Variants in ADGB observed in about 807,000 individuals in gnomAD.
ADGB encodes the protein calpain-7-like protein.
Under a neutral mutation model 210.5 loss-of-function variants are expected in ADGB, and 172 were observed. That is an observed-to-expected ratio of 0.82 (90% CI 0.72 to 0.93). ADGB has a LOEUF of 0.93. Among genes scored for constraint, ADGB ranks in the 40% least tolerant of loss-of-function variants. The pLI is 0.00. For missense variants in ADGB, 2,025 were observed against 1,964.8 expected, an observed-to-expected ratio of 1.03 and a Z score of -0.58; for synonymous variants, 658 against 662.7, an observed-to-expected ratio of 0.99 and a Z score of 0.11.
At chr6:146,803,447 G>A in intron 35 of ADGB, 1 of 1,606,678 alleles carries the variant, frequency 6.2e-7, no homozygotes, top group Non-Finnish European at 8.5e-7. Flanking sequence ...CCAGGGGGCT[G>A]TTTTTTTCTG....
chr6:146,718,346 CAAAAAA>C (rs34547633), intron 16 of ADGB, among the ~76,000 whole-genome samples: 1 of 80,158 alleles, frequency 1.2e-5, no homozygotes, highest in Non-Finnish European at 2.4e-5. Context: ...GATTCCATCT[CAAAAAA>C]AAAAAAAAAA....
intron 18 of ADGB, chr6:146,724,532 G>A (rs1776867045): frequency 2.6e-6 from 1 of 382,158 alleles, no homozygotes; most frequent in South Asian, 1.1e-4. Context: ...ATCCCTTTGG[G>A]AGATTCATAA....
intron 6 of ADGB, among the ~76,000 whole-genome samples, chr6:146,665,556 G>T (rs1775927548): frequency 6.6e-6 from 1 of 152,104 alleles, no homozygotes; most frequent in Non-Finnish European, 1.5e-5. Context: ...AATCAGAGCT[G>T]CTAGAGCAGT....
At position 146,671,644 on chromosome 6, in the gene ADGB, T is replaced by C. The variant is rs528711324; in HGVS notation, c.840-576T>C. On this transcript the variant is annotated intron_variant, in intron 7 of 35. Transcript: ENST00000397944. ...AAACTCAAAATATGAGGAAATACTA[T>C]GTAAAATGGCAAGAACACCAAGAGG... 9.2e-5 allele frequency among the ~76,000 whole-genome samples: 14 copies of C among 152,222 alleles called. No individual in the cohort carries two copies. In the South Asian group the frequency reaches 2.9e-3, roughly 32 times the overall value.
intron 5 of ADGB, among the ~76,000 whole-genome samples, chr6:146,661,076 A>T (rs912510992): frequency 2.0e-5 from 3 of 150,978 alleles, no homozygotes; most frequent in African/African-American, 4.8e-5. Context: ...ATATACATGC[A>T]TAGCTTATCA....
At chr6:146,672,107 A>T in intron 7 of ADGB, 113 bp from the exon 8 acceptor site, 1 of 1,322,540 alleles carries the variant, frequency 7.6e-7, no homozygotes. Context: ...TTGAGTAACA[A>T]TTGAAATTAT....
intron 2 of ADGB, among the ~76,000 whole-genome samples, chr6:146,641,479 A>G (rs9377013): frequency 0.34 from 52,171 of 151,250 alleles, 9,178 homozygotes; most frequent in Admixed American, 0.42. Flanking sequence ...TGGAGGAATC[A>G]CGCGACCTGA....
intron 16 of ADGB, 148 bp downstream of exon 16, chr6:146,717,747 T>C: frequency 2.3e-6 from 1 of 431,286 alleles, no homozygotes; most frequent in South Asian, 4.6e-5. Flanking sequence ...TCACTAATCC[T>C]TATCCAAGCA....
chr6:146,664,568 C>T (rs1775913490), intron 6 of ADGB, among the ~76,000 whole-genome samples: 2 of 151,856 alleles, frequency 1.3e-5, no homozygotes, highest in Non-Finnish European at 2.9e-5. Flanking sequence ...AAGAATTATT[C>T]TATGTTCAGT....
chr6:146,769,111 T>C lies in ADGB; in HGVS notation c.3842T>C (p.Leu1281Ser). The C allele has an allele frequency of 5.3e-6, 8 of 1,521,602 alleles. No homozygotes were observed. The highest frequency in any genetic ancestry group is 7.1e-6 in the Non-Finnish European group (8 of 1,125,532). 94.3% of individuals were successfully genotyped at this position (1,521,602 alleles called of 1,614,324 possible). ...ACATTTGTTCAAGCACTGAAAGACTTAAAGAAAAGTAATACCAAAGGTATG... is the reference window on the plus strand; with the variant it reads ...ACATTTGTTCAAGCACTGAAAGACTCAAAGAAAAGTAATACCAAAGGTATG... ...QLTFVQALKDLKKSNTKAYGE... is the reference protein window; with the variant it reads ...QLTFVQALKDSKKSNTKAYGE... Residue 1281 changes from leucine (L) to serine (S), a missense_variant, in exon 29 of 36, where the codon TTA becomes TCA. Coordinates refer to ENST00000397944, the MANE Select transcript of ADGB (RefSeq NM_024694.4).
chr6:146,698,582 AG>A (rs769009746), intron 12 of ADGB, among the ~76,000 whole-genome samples: 23 of 152,148 alleles, frequency 1.5e-4, no homozygotes, highest in Admixed American at 1.3e-4. Context: ...GTGGGTAGGG[AG>A]GGAGCACTGC....
At chr6:146,756,997 G>T (rs1777416962) in intron 27 of ADGB, among the ~76,000 whole-genome samples, 1 of 151,988 alleles carries the variant, frequency 6.6e-6, no homozygotes, top group African/African-American at 2.4e-5. Flanking sequence ...CAAGGGCTGG[G>T]ATTACAGGTG....
At chr6:146,740,823 T>TA (rs1347860058) in intron 24 of ADGB, among the ~76,000 whole-genome samples, 1 of 152,110 alleles carries the variant, frequency 6.6e-6, no homozygotes, top group Non-Finnish European at 1.5e-5. Context: ...ATGTTCATGA[T>TA]AAAAATACTA....
At chr6:146,602,455 T>G (rs2114821271) in intron 1 of ADGB, among the ~76,000 whole-genome samples, 1 of 152,364 alleles carries the variant, frequency 6.6e-6, no homozygotes, top group East Asian at 1.9e-4. Context: ...ACATAACAAT[T>G]TTTAACGTAA....
Position 146,612,581 on chromosome 6 carries a change from T to G in ADGB, c.74+13467T>G, listed in dbSNP as rs73588046. 5.9e-3 allele frequency among the ~76,000 whole-genome samples: 906 copies of G among 152,312 alleles called. 9 individuals carry two copies. Among genetic ancestry groups the G allele is most frequent in the African/African-American group, 0.02 (828 of 41,566 alleles). On this transcript the variant is annotated intron_variant, in intron 1 of 35. Coordinates refer to ENST00000397944, the MANE Select transcript of ADGB (RefSeq NM_024694.4). ...ATTTTCTTCCCTGCCGTCCTCTAGT[T>G]GAGGCCCTTTTAAACTCTAGGTAGA...
At chr6:146,599,499 A>G (rs1019463167) in intron 1 of ADGB, among the ~76,000 whole-genome samples, 2 of 152,188 alleles carry the variant, frequency 1.3e-5, no homozygotes, top group African/African-American at 4.8e-5. Context: ...ACAGACAGCG[A>G]GTGACAGACA....
intron 13 of ADGB, among the ~76,000 whole-genome samples, chr6:146,710,325 TATTTTTTCCC>T (rs1204358851): frequency 6.6e-6 from 1 of 152,030 alleles, no homozygotes; most frequent in Non-Finnish European, 1.5e-5. Context: ...AGACCAATTT[TATTTTTTCCC>T]ATATAGATAC....
At chr6:146,770,861 T>C (rs117092241) in intron 29 of ADGB, among the ~76,000 whole-genome samples, 2,225 of 152,196 alleles carry the variant, frequency 0.015, 31 homozygotes, top group Non-Finnish European at 0.025. Context: ...TACTGCTCCA[T>C]AGTGTTATAC....
At chr6:146,670,897 T>C (rs577595211) in intron 7 of ADGB, among the ~76,000 whole-genome samples, 21 of 152,312 alleles carry the variant, frequency 1.4e-4, no homozygotes, top group Admixed American at 1.4e-3. Context: ...CAGAAACCTA[T>C]AGTTTAATTC....
Sources: allele counts gnomAD v4.1 joint callset (sites outside exome capture counted in the v4.1 genomes callset), GRCh38; gene constraint gnomAD v4.1.1; transcripts MANE v1.5; gene names NCBI Gene and HGNC (gene_info 2026-07-23, HGNC 2026-07-21).